Variants in FSIP2 observed in about 807,000 individuals in gnomAD.
The protein encoded by FSIP2 is fibrous sheath-interacting protein 2.
A neutral mutation model predicts 510.5 loss-of-function variants in FSIP2; 367 were observed. The ratio of observed to expected loss-of-function variants is 0.72; its 90% confidence interval spans 0.66 to 0.78. The LOEUF is 0.78. Among genes scored for constraint, FSIP2 ranks in the 30% least tolerant of loss-of-function variants. The probability of loss-of-function intolerance (pLI) is 0.00; values close to 1 mark genes in which losing one functional copy is unlikely to be tolerated. For synonymous variants in FSIP2, 2,601 were observed against 2,732.2 expected (o/e 0.95, Z 1.50); for missense variants, 7,594 against 7,901.7 (o/e 0.96, Z 1.48).
chr2:185,785,211 T>C (rs1692942595), intron 14 of FSIP2, among the ~76,000 whole-genome samples: 1 of 152,072 alleles, frequency 6.6e-6, no homozygotes, highest in African/African-American at 2.4e-5. Context: ...AACCAGATCT[T>C]AGAAAAACAA....
chr2:185,776,790 A>C (rs976350438), intron 13 of FSIP2, among the ~76,000 whole-genome samples: 11 of 152,068 alleles, frequency 7.2e-5, no homozygotes, highest in Non-Finnish European at 4.4e-5. Context: ...CTGGAGTTGC[A>C]ATGGTGTGAT....
intron 21 of FSIP2, 60 bp from the exon 22 acceptor site, chr2:185,831,753 G>T (rs937441283): frequency 6.1e-5 from 63 of 1,027,800 alleles, no homozygotes; most frequent in Middle Eastern, 4.1e-4. Flanking sequence ...GGACTTATGG[G>T]TATATCTAGT....
At chr2:185,777,680 G>A (rs959913419) in intron 13 of FSIP2, among the ~76,000 whole-genome samples, 5 of 151,860 alleles carry the variant, frequency 3.3e-5, no homozygotes, top group African/African-American at 1.2e-4. Flanking sequence ...TTGTTAAAAT[G>A]GCCACACATC....
In FSIP2 at chr2:185,804,425, T is replaced by C. The variant is rs1693512439; in HGVS notation, c.15119T>C (p.Ile5040Thr). ...GTATTAGATCAATATAAATCTCTGATTCAAATACATAGGGTTATACAAAGT... is the reference window on the plus strand; with the variant it reads ...GTATTAGATCAATATAAATCTCTGACTCAAATACATAGGGTTATACAAAGT... ...GKVLDQYKSL[I>T]QIHRVIQSDT... Residue 5040 changes from isoleucine (I) to threonine (T), a missense_variant, in exon 17 of 23, where the codon ATT (isoleucine) becomes ACT (threonine). Coordinates refer to ENST00000424728, the MANE Select transcript of FSIP2 (RefSeq NM_173651.4). 2.0e-6 allele frequency: 3 copies of C among 1,509,246 alleles called. No homozygotes were observed. Among genetic ancestry groups the C allele is most frequent in the Admixed American group, 4.2e-5 (2 of 47,962 alleles). The allele number at this position is 1,509,246 out of a possible 1,614,324, so 93.5% of individuals were successfully genotyped here.
chr2:185,751,858 A>AT (rs150231743), intron 7 of FSIP2, among the ~76,000 whole-genome samples: 40,401 of 150,494 alleles, frequency 0.27, 6,123 homozygotes, highest in East Asian at 0.45. Flanking sequence ...ATTATGCTTT[A>AT]TTTTTTTCCC....
At chr2:185,763,421 A>G (rs1425896240) in intron 12 of FSIP2, 132 bp downstream of exon 12, 1 of 615,192 alleles carries the variant, frequency 1.6e-6, no homozygotes, top group African/African-American at 1.9e-5. Flanking sequence ...TTAGTCATAC[A>G]ATAATAACGT....
At position 185,745,432 on chromosome 2, in the gene FSIP2, A is replaced by G. The variant is rs1438967528; in HGVS notation, c.481A>G (p.Ile161Val). 4.6e-6 allele frequency: 7 copies of G among 1,526,012 alleles called. No individual in the cohort carries two copies. The African/African-American group carries it at 6.9e-5, about 15-fold the overall frequency. The allele number at this position is 1,526,012 out of a possible 1,614,324, so 94.5% of individuals were successfully genotyped here. A position where few individuals can be genotyped will look rare whatever the true frequency, so the allele number is the denominator to read the frequency against. ...AATACACACATTTCTTAAATAGAGAATACTTGCAAAACAACTACATAACAT... is the reference window on the plus strand; with the variant it reads ...AATACACACATTTCTTAAATAGAGAGTACTTGCAAAACAACTACATAACAT... ...FERNYIKEQR[I>V]LAKQLHNIPE... Residue 161 changes from isoleucine (I) to valine (V), a missense_variant, in exon 5 of 23, where the codon ATA (isoleucine) becomes GTA (valine). Coordinates refer to ENST00000424728, the MANE Select transcript of FSIP2 (RefSeq NM_173651.4).
chr2:185,746,037 T>C (rs981760351), intron 5 of FSIP2, among the ~76,000 whole-genome samples: 1 of 152,142 alleles, frequency 6.6e-6, no homozygotes, highest in Non-Finnish European at 1.5e-5. Context: ...GGCCATTCCA[T>C]GGACAAGCCC....
rs1377801696 is a variant in FSIP2, at chr2:185,802,341, T to C, written c.13035T>C (p.His4345=). The part of the protein sequence containing the change: ...TQRIVNSINR[H]FNKAKIHILY... ...GAATAGTAAACTCCATAAATAGGCA[T>C]TTCAATAAAGCTAAAATTCACATTC... Residue 4345 remains histidine, a synonymous_variant, in exon 17 of 23, where the codon CAT becomes CAC. Coordinates refer to ENST00000424728, the MANE Select transcript of FSIP2 (RefSeq NM_173651.4). 1.3e-6 allele frequency: 2 copies of C among 1,533,330 alleles called. No individual in the cohort carries two copies. Among genetic ancestry groups the C allele is most frequent in the African/African-American group, 1.4e-5 (1 of 72,796 alleles). 95.0% of individuals were successfully genotyped at this position (1,533,330 alleles called of 1,614,324 possible). A position where few individuals can be genotyped will look rare whatever the true frequency, so the allele number is the denominator to read the frequency against.
In FSIP2 at chr2:185,789,188, T is replaced by A. The variant is rs777647587; in HGVS notation, c.2052T>A (p.Asp684Glu). 5.9e-5 allele frequency: 90 copies of A among 1,534,464 alleles called. No homozygotes were observed. Among genetic ancestry groups the A allele is most frequent in the Admixed American group, 4.1e-4 (21 of 50,824 alleles). The change falls in exon 16 of 23, where the codon GAT (aspartate) becomes GAA (glutamate). Residue 684 changes from aspartate to glutamate, a missense_variant. Coordinates refer to ENST00000424728, the MANE Select transcript of FSIP2 (RefSeq NM_173651.4). Reference protein sequence around the residue: ...LHCDKTAKAMDEMKNLKNVFV... With the variant: ...LHCDKTAKAMEEMKNLKNVFV... ...GTGATAAAACAGCAAAAGCCATGGATGAAATGAAGAATTTAAAAAATGTTT... is the reference window on the plus strand; with the variant it reads ...GTGATAAAACAGCAAAAGCCATGGAAGAAATGAAGAATTTAAAAAATGTTT...
chr2:185,804,173 T>C lies in FSIP2; in HGVS notation c.14867T>C (p.Leu4956Pro). The C allele has an allele frequency of 2.0e-6, 3 of 1,511,262 alleles. No homozygotes were observed. Among genetic ancestry groups the C allele is most frequent in the Non-Finnish European group, 2.6e-6 (3 of 1,136,108 alleles). The allele number at this position is 1,511,262 out of a possible 1,614,324, so 93.6% of individuals were successfully genotyped here. A position where few individuals can be genotyped will look rare whatever the true frequency, so the allele number is the denominator to read the frequency against. Residue 4956 changes from leucine (L) to proline (P), a missense_variant, in exon 17 of 23, where the codon CTC becomes CCC. Physicochemically the swap from Leu to Pro is moderately conservative, Grantham distance 98 (BLOSUM62 -3). Transcript: ENST00000424728. Reference protein sequence around the residue: ...SVFLEEVISELLCKILYAFSH... With the variant: ...SVFLEEVISEPLCKILYAFSH... ...TTTTTGGAGGAAGTAATTTCTGAGC[T>C]CTTATGCAAAATTCTTTATGCATTT...
Position 185,790,021 on chromosome 2 carries a change from TAAG to T in FSIP2, c.2886_2888del (p.Ser964del). 6.5e-7 allele frequency: 1 copy of T among 1,533,960 alleles called. No homozygotes were observed. The highest frequency in any genetic ancestry group is 8.7e-7 in the Non-Finnish European group (1 of 1,145,522). ...TTTCAAAAAAGTAGGCAACCTAGAA[TAAG>T]TAGTCCTTCTGACACCAAAGAAAAG... On this transcript the variant is annotated inframe_deletion, in exon 16 of 23. Transcript: ENST00000424728.
At chr2:185,770,577 A>C (rs1692587765) in intron 13 of FSIP2, among the ~76,000 whole-genome samples, 1 of 152,170 alleles carries the variant, frequency 6.6e-6, no homozygotes. Flanking sequence ...TGGGGGATCC[A>C]TTCCCATGAC....
rs1693628697 is a variant in FSIP2, at chr2:185,808,054, G to A, written c.18748G>A (p.Glu6250Lys). 6.2e-7 allele frequency: 1 copy of A among 1,610,638 alleles called. No homozygotes were observed. The highest frequency in any genetic ancestry group is 1.3e-5 in the African/African-American group (1 of 74,822). The change falls in exon 17 of 23, where the codon GAA (glutamate) becomes AAA (lysine). Residue 6250 changes from glutamate (E) to lysine (K), a missense_variant. Glu to Lys is a moderately conservative substitution (Grantham distance 56). Coordinates refer to ENST00000424728, the MANE Select transcript of FSIP2 (RefSeq NM_173651.4). ...TVPVADNATI[E>K]NIVNSIYTSV... ...GCCTGTAGCTGATAATGCAACTATTGAAAACATAGTTAATTCTATTTATAC... is the reference window on the plus strand; with the variant it reads ...GCCTGTAGCTGATAATGCAACTATTAAAAACATAGTTAATTCTATTTATAC...
chr2:185,773,856 A>G (rs1692663146), intron 13 of FSIP2, among the ~76,000 whole-genome samples: 1 of 152,114 alleles, frequency 6.6e-6, no homozygotes, highest in South Asian at 2.1e-4. Flanking sequence ...CTGCTATGCT[A>G]TTGTTGAGTT....
intron 13 of FSIP2, among the ~76,000 whole-genome samples, chr2:185,772,060 T>A (rs1464152521): frequency 6.6e-6 from 1 of 152,214 alleles, no homozygotes; most frequent in Non-Finnish European, 1.5e-5. Context: ...TGCTAAGGAA[T>A]AACAAGTGTG....
chr2:185,807,927 T>C lies in FSIP2; in HGVS notation c.18621T>C (p.Thr6207=). The C allele has an allele frequency of 1.2e-6, 2 of 1,603,828 alleles. No homozygotes were observed. The highest frequency in any genetic ancestry group is 1.7e-6 in the Non-Finnish European group (2 of 1,176,314). ...AAGAAAGAACAAAATCTCTAGAGAC[T>C]GATATGCAAAAAATAACTTCAAAAG... is the stretch of plus-strand genomic sequence containing the variant. ...VHKERTKSLE[T]DMQKITSKVL... is the part of the protein sequence containing the mutation. Residue 6207 remains threonine, a synonymous_variant, in exon 17 of 23, where the codon ACT becomes ACC. Transcript: ENST00000424728.
chr2:185,831,518 G>T (rs773070456), intron 21 of FSIP2, among the ~76,000 whole-genome samples: 6 of 151,818 alleles, frequency 4.0e-5, no homozygotes, highest in Non-Finnish European at 5.9e-5. Flanking sequence ...GGATAGAGGG[G>T]GCAGACAGAG....
At position 185,796,079 on chromosome 2, in the gene FSIP2, T is replaced by C; in HGVS notation, c.8943T>C (p.Ser2981=). 6.5e-7 allele frequency: 1 copy of C among 1,532,176 alleles called. No individual in the cohort carries two copies. The highest frequency in any genetic ancestry group is 8.7e-7 in the Non-Finnish European group (1 of 1,145,426). The allele number at this position is 1,532,176 out of a possible 1,614,324, so 94.9% of individuals were successfully genotyped here. The change falls in exon 16 of 23, where the codon TCT becomes TCC. Residue 2981 remains serine, a synonymous_variant. Transcript: ENST00000424728. ...ACACAAAGACAAAAGACCAAATTTC[T>C]GTGGGCTCCAGCAACCAAATTGTTC... ...IYNTKTKDQI[S]VGSSNQIVQE... is the part of the protein sequence containing the mutation.
Sources: allele counts gnomAD v4.1 joint callset (sites outside exome capture counted in the v4.1 genomes callset), GRCh38; gene constraint gnomAD v4.1.1; transcripts MANE v1.5; gene names NCBI Gene and HGNC (gene_info 2026-07-23, HGNC 2026-07-21).